DLGAP3: variants seen among roughly 807,000 people sequenced by gnomAD.
DLGAP3 encodes the protein DLG associated protein 3.
A neutral mutation model predicts 81.2 loss-of-function variants in DLGAP3; 17 were observed. That is an observed-to-expected ratio of 0.21 (90% CI 0.14 to 0.31). DLGAP3 has a LOEUF of 0.31. DLGAP3 is among the 10% of genes least tolerant of loss of function. The pLI is 1.00. For synonymous variants in DLGAP3, 577 were observed against 587.4 expected, an observed-to-expected ratio of 0.98 and a Z score of 0.26; for missense variants, 1,124 against 1,388.0, an observed-to-expected ratio of 0.81 and a Z score of 3.02.
chr1:34,873,672 AATT>A lies in DLGAP3; in HGVS notation c.2001-4586_2001-4584del, dbSNP rs1639010757. On this transcript the variant is annotated intron_variant, in intron 8 of 11. Transcript: ENST00000373347. The surrounding 1 kb of genome is among the most constrained non-coding windows in gnomAD (Gnocchi z 4.2). ...ACCCGGCTAGGGCATTGTAGTTATT[AATT>A]ATTATGATTGCTGTTGATCATTTCC... Among the ~76,000 whole-genome samples, 1 of 152,172 alleles carries A rather than the reference AATT, an allele frequency of 6.6e-6. No homozygotes were observed. The highest frequency in any genetic ancestry group is 6.5e-5 in the Admixed American group (1 of 15,280).
intron 1 of DLGAP3, among the ~76,000 whole-genome samples, chr1:34,923,930 A>G (rs2148421814): frequency 6.6e-6 from 1 of 152,260 alleles, no homozygotes; most frequent in South Asian, 2.1e-4. Context: ...TATTATCTGG[A>G]AACTGTCTCC....
Position 34,904,131 on chromosome 1 carries a change from C to A in DLGAP3, c.1107+146G>T. On this transcript the variant is annotated intron_variant, in intron 3 of 11. Transcript: ENST00000373347. This position sits in a 1 kb window ranked among gnomAD's most constrained non-coding sequence, Gnocchi z 8.1. ...GAAGCCCCAAAGGAGCTCAGAGTGA[C>A]CCAATGGGGCAGGGCAGAGCCTCCC... The A allele has an allele frequency of 1.1e-6, 1 of 947,078 alleles. No individual in the cohort carries two copies. The highest frequency in any genetic ancestry group is 1.7e-6 in the Non-Finnish European group (1 of 599,510). 58.7% of individuals were successfully genotyped at this position (947,078 alleles called of 1,614,324 possible).
At chr1:34,893,103 C>T (rs531315140) in intron 5 of DLGAP3, among the ~76,000 whole-genome samples, 13 of 144,346 alleles carry the variant, frequency 9.0e-5, no homozygotes, top group Non-Finnish European at 1.5e-4. Context: ...ACCCGGGAAG[C>T]GGAGCTTGCA....
intron 5 of DLGAP3, among the ~76,000 whole-genome samples, chr1:34,889,391 A>G (rs1257654187): frequency 3.9e-5 from 6 of 152,180 alleles, no homozygotes; most frequent in Non-Finnish European, 5.9e-5. Flanking sequence ...GATCTTTACT[A>G]TCCTACAGTT....
chr1:34,866,003 G>A lies in DLGAP3; in HGVS notation c.*80C>T. The A allele has an allele frequency of 7.7e-7, 1 of 1,295,784 alleles. No individual in the cohort carries two copies. Among genetic ancestry groups the A allele is most frequent in the Non-Finnish European group, 1.1e-6 (1 of 936,776 alleles). 80.3% of individuals were successfully genotyped at this position (1,295,784 alleles called of 1,614,324 possible). A position where few individuals can be genotyped will look rare whatever the true frequency, so the allele number is the denominator to read the frequency against. On this transcript the variant is annotated 3_prime_UTR_variant, in exon 12 of 12. Transcript: ENST00000373347. ...GGGGCGGGCGCACGGGGCGGCCCGC[G>A]TTCACAGTGACCTCGACGCTGGGTG...
At chr1:34,880,869 C>T (rs1639133944) in intron 8 of DLGAP3, among the ~76,000 whole-genome samples, 1 of 151,742 alleles carries the variant, frequency 6.6e-6, no homozygotes, top group African/African-American at 2.4e-5. Context: ...AAAAATAAAA[C>T]CAGAATAGGT....
Position 34,868,519 on chromosome 1 carries a change from C to T in DLGAP3, c.2485+86G>A. 1.7e-6 allele frequency: 2 copies of T among 1,177,166 alleles called. No homozygotes were observed. The highest frequency in any genetic ancestry group is 2.5e-5 in the South Asian group (2 of 81,262). The allele number at this position is 1,177,166 out of a possible 1,614,324, so 72.9% of individuals were successfully genotyped here. ...ACCGAAGGGGCCTCCTGTTACACTGCAGCCCCAGCCACCCCCATCAGGGTC... is the reference window on the plus strand; with the variant it reads ...ACCGAAGGGGCCTCCTGTTACACTGTAGCCCCAGCCACCCCCATCAGGGTC... On this transcript the variant is annotated intron_variant, in intron 9 of 11. Coordinates refer to ENST00000373347, the MANE Select transcript of DLGAP3 (RefSeq NM_001080418.3). This position sits in a 1 kb window ranked among gnomAD's most constrained non-coding sequence, Gnocchi z 7.5.
chr1:34,882,338 C>G (rs12069416), intron 8 of DLGAP3, among the ~76,000 whole-genome samples: 18,059 of 151,968 alleles, frequency 0.12, 1,317 homozygotes, highest in African/African-American at 0.2. Context: ...ACTAGCCAGG[C>G]GTGGTGGCGG....
At chr1:34,897,782 C>T (rs947990674) in intron 5 of DLGAP3, among the ~76,000 whole-genome samples, 2 of 152,128 alleles carry the variant, frequency 1.3e-5, no homozygotes, top group Non-Finnish European at 2.9e-5. Context: ...CTGGAAGAAC[C>T]GGTGGCAGTG....
rs1557479743 is a variant in DLGAP3 at position 34,895,380 on chromosome 1, A to T, written c.1386+4289T>A. ...GAGACTGTCTCAAAAAAAAAAAAAA[A>T]TTAAAATAATAATAATAATAAGTAA... On this transcript the variant is annotated intron_variant, in intron 5 of 11. Coordinates refer to ENST00000373347, the MANE Select transcript of DLGAP3 (RefSeq NM_001080418.3). The surrounding 1 kb of genome is among the most constrained non-coding windows in gnomAD (Gnocchi z 4.5). Among the ~76,000 whole-genome samples the T allele has an allele frequency of 6.6e-6, 1 of 151,234 alleles. No homozygotes were observed. The highest frequency in any genetic ancestry group is 2.1e-4 in the South Asian group (1 of 4,822).
Position 34,865,748 on chromosome 1 carries a change from T to G in DLGAP3, c.*335A>C. On this transcript the variant is annotated 3_prime_UTR_variant, in exon 12 of 12. Coordinates refer to ENST00000373347, the MANE Select transcript of DLGAP3 (RefSeq NM_001080418.3). The stretch of plus-strand genomic sequence containing the variant: ...GGGAGGGGGGGACGCAGAGCCCAGA[T>G]GAGGGACCCGGCCCGGCCTGGCCCG... The G allele has an allele frequency of 3.0e-5, 11 of 367,878 alleles. No individual in the cohort carries two copies. The highest frequency in any genetic ancestry group is 3.5e-5 in the Non-Finnish European group (7 of 198,016). 22.8% of individuals were successfully genotyped at this position (367,878 alleles called of 1,614,324 possible).
At chr1:34,920,284 G>A (rs1176407515) in intron 1 of DLGAP3, among the ~76,000 whole-genome samples, 3 of 152,168 alleles carry the variant, frequency 2.0e-5, no homozygotes, top group Admixed American at 6.5e-5. Flanking sequence ...CTGACAGGGT[G>A]GAACCACAGA....
intron 1 of DLGAP3, among the ~76,000 whole-genome samples, chr1:34,928,054 T>C (rs751616856): frequency 6.6e-6 from 1 of 152,208 alleles, no homozygotes; most frequent in Non-Finnish European, 1.5e-5. Context: ...CTTAACGTGA[T>C]ACCTGTCCTG....
chr1:34,915,575 G>A (rs1170978862), intron 1 of DLGAP3, among the ~76,000 whole-genome samples: 3 of 152,220 alleles, frequency 2.0e-5, no homozygotes, highest in Non-Finnish European at 2.9e-5. Flanking sequence ...TGTGTGAGCT[G>A]AGACAGGGGC....
Position 34,868,855 on chromosome 1 carries a change from C to T in DLGAP3, c.2235G>A (p.Leu745=). Residue 745 remains leucine (L), a synonymous_variant, in exon 9 of 12, where the codon CTG becomes CTA. Transcript: ENST00000373347. This position sits in a 1 kb window ranked among gnomAD's most constrained non-coding sequence, Gnocchi z 7.5. ...GQWAYREGYP[L]PYEPPATDGS... ...CATCGGTGGCCGGCGGCTCGTACGG[C>T]AGTGGGTAGCCCTCGCGGTAGGCCC... 1 of 1,588,956 alleles carries T rather than the reference C, an allele frequency of 6.3e-7. No individual in the cohort carries two copies. Among genetic ancestry groups the T allele is most frequent in the Non-Finnish European group, 8.5e-7 (1 of 1,172,456 alleles).
In DLGAP3 at chr1:34,867,061, A is replaced by C; in HGVS notation, c.2708T>G (p.Leu903Arg). The part of the protein sequence containing the change: ...LQQLKANSWK[L>R]LEPKEEKKVP... ...CCCCAGCCCCACCTTAGGCTCCAGG[A>C]GTTTCCAGCTGTTGGCCTTGAGTTG... is the stretch of plus-strand genomic sequence containing the variant. The change falls in exon 11 of 12, where the codon CTC becomes CGC. Residue 903 changes from leucine to arginine, a missense_variant. By Grantham distance (102) the Leu-to-Arg change is moderately radical. Transcript: ENST00000373347. The surrounding 1 kb of genome is among the most constrained non-coding windows in gnomAD (Gnocchi z 4.3). 6.2e-7 allele frequency: 1 copy of C among 1,613,986 alleles called. No homozygotes were observed. The highest frequency in any genetic ancestry group is 1.7e-5 in the Admixed American group (1 of 60,010).
intron 1 of DLGAP3, among the ~76,000 whole-genome samples, chr1:34,926,046 G>T (rs1490056730): frequency 6.6e-6 from 1 of 152,146 alleles, no homozygotes; most frequent in African/African-American, 2.4e-5. Context: ...ACATGAACAT[G>T]TCAGCTAGCC....
chr1:34,877,648 G>C (rs1557461255), intron 8 of DLGAP3, among the ~76,000 whole-genome samples: 1 of 152,208 alleles, frequency 6.6e-6, no homozygotes, highest in Non-Finnish European at 1.5e-5. Flanking sequence ...TGGAAGATGG[G>C]AGGAGAAACT....
At chr1:34,914,206 C>T (rs1175554434) in intron 1 of DLGAP3, among the ~76,000 whole-genome samples, 1 of 152,196 alleles carries the variant, frequency 6.6e-6, no homozygotes, top group Admixed American at 6.5e-5. Flanking sequence ...TTCTCCAGGG[C>T]TGCCATAGGC....
Sources: gnomAD v4.1 joint callset for allele counts (sites outside exome capture counted in the v4.1 genomes callset) on GRCh38, gnomAD v4.1.1 for gene constraint, Gnocchi (gnomAD v3.1) non-coding constraint, MANE v1.5 for transcripts, NCBI Gene and HGNC (gene_info 2026-07-23, HGNC 2026-07-21) for gene names.